FSD1L: variants seen among roughly 807,000 people sequenced by gnomAD.
FSD1L encodes FSD1-like protein.
In FSD1L, 45 loss-of-function variants were observed where a neutral mutation model predicts 71.6. That is an observed-to-expected ratio of 0.63 (90% CI 0.49 to 0.81). The LOEUF is 0.81. Among genes scored for constraint, FSD1L ranks in the 30% least tolerant of loss-of-function variants. The pLI is 0.00. For missense variants in FSD1L, 561 were observed against 618.1 expected (o/e 0.91, Z 0.98); for synonymous variants, 197 against 207.2 (o/e 0.95, Z 0.42).
rs960492706 is a variant in FSD1L, at chr9:105,522,185, C to T, written c.1025+9249C>T. On this transcript the variant is annotated intron_variant, in intron 10 of 13. Coordinates refer to ENST00000481272, the MANE Select transcript of FSD1L (RefSeq NM_001145313.3). ...ACATCTCCCGAGAACTTTGGGATGA[C>T]TTACTGTCAGTATTGTCATCGTTGA... 19 of 1,613,834 alleles carry T rather than the reference C, an allele frequency of 1.2e-5. No homozygotes were observed. The African/African-American group carries it at 2.1e-4, about 18-fold the overall frequency.
intron 7 of FSD1L, among the ~76,000 whole-genome samples, chr9:105,484,877 A>G (rs1832434338): frequency 6.6e-6 from 1 of 152,154 alleles, no homozygotes; most frequent in South Asian, 2.1e-4. Flanking sequence ...ATGCGATGTT[A>G]TTCTTCTAGG....
intron 10 of FSD1L, among the ~76,000 whole-genome samples, chr9:105,514,737 C>T (rs1485043425): frequency 6.6e-6 from 1 of 152,092 alleles, no homozygotes; most frequent in Non-Finnish European, 1.5e-5. Flanking sequence ...TTCAATTTTT[C>T]CCAACAGAAT....
chr9:105,537,842 G>C (rs545875201), intron 12 of FSD1L, among the ~76,000 whole-genome samples: 1 of 152,272 alleles, frequency 6.6e-6, no homozygotes, highest in East Asian at 1.9e-4. Context: ...TTTTCACATA[G>C]AAAGCCCTTA....
upstream of FSD1L, chr9:105,447,917 C>T (rs1026192772): frequency 1.3e-4 from 67 of 506,022 alleles, no homozygotes; most frequent in Admixed American, 5.4e-4. Flanking sequence ...CCTGCAGAGG[C>T]ACTAGCGGTA....
At chr9:105,481,261 C>T (rs1463273687) in intron 6 of FSD1L, among the ~76,000 whole-genome samples, 1 of 148,658 alleles carries the variant, frequency 6.7e-6, no homozygotes, top group East Asian at 2.0e-4. Flanking sequence ...TACTTCCTGC[C>T]CGAGGAACAT....
At chr9:105,467,173 A>G (rs1309768969) in intron 3 of FSD1L, among the ~76,000 whole-genome samples, 1 of 152,154 alleles carries the variant, frequency 6.6e-6, no homozygotes, top group Admixed American at 6.5e-5. Context: ...TGTTCTTACT[A>G]CTGTAAATAG....
At chr9:105,448,924 G>T (rs1052472625) in intron 1 of FSD1L, among the ~76,000 whole-genome samples, 6 of 152,192 alleles carry the variant, frequency 3.9e-5, no homozygotes, top group Admixed American at 2.0e-4. Context: ...TTATATAATC[G>T]TAAAGGTTCA....
intron 7 of FSD1L, among the ~76,000 whole-genome samples, chr9:105,496,077 C>T (rs1394165438): frequency 1.3e-5 from 2 of 151,700 alleles, no homozygotes; most frequent in African/African-American, 4.8e-5. Context: ...ATGTCTTTTA[C>T]AGAGCAAGAT....
intron 10 of FSD1L, chr9:105,526,502 C>T (rs1835522216): frequency 2.5e-6 from 4 of 1,612,198 alleles, no homozygotes; most frequent in South Asian, 1.1e-5. Flanking sequence ...GAAGCTGCGT[C>T]GTTCCTCTGG....
chr9:105,506,147 G>A (rs1323011689), intron 7 of FSD1L, among the ~76,000 whole-genome samples: 1 of 151,974 alleles, frequency 6.6e-6, no homozygotes, highest in Non-Finnish European at 1.5e-5. Flanking sequence ...ACAGCTATTT[G>A]AAATATCAAT....
chr9:105,458,021 C>T (rs1054870228), intron 1 of FSD1L, among the ~76,000 whole-genome samples: 10 of 152,246 alleles, frequency 6.6e-5, no homozygotes, highest in African/African-American at 2.2e-4. Context: ...AGGGGTGCTA[C>T]ACCTCTCTTG....
At chr9:105,455,905 C>T (rs1387132172) in intron 1 of FSD1L, among the ~76,000 whole-genome samples, 1 of 152,134 alleles carries the variant, frequency 6.6e-6, no homozygotes, top group Non-Finnish European at 1.5e-5. Context: ...TTTGCAGGGG[C>T]TCTAGATTTT....
chr9:105,524,005 T>G, intron 10 of FSD1L: 1 of 1,597,352 alleles, frequency 6.3e-7, no homozygotes, highest in Non-Finnish European at 8.6e-7. Context: ...TATTGTGAAC[T>G]GCCTTCTCTT....
chr9:105,525,095 G>A, intron 10 of FSD1L: 5 of 1,554,776 alleles, frequency 3.2e-6, no homozygotes, highest in Admixed American at 4.0e-5. Flanking sequence ...TATACTGTAT[G>A]GCCCACCTCC....
At chr9:105,507,976 C>T (rs1834155814) in intron 8 of FSD1L, among the ~76,000 whole-genome samples, 1 of 148,618 alleles carries the variant, frequency 6.7e-6, no homozygotes, top group Non-Finnish European at 1.5e-5. Context: ...ACGGCAACCT[C>T]TGCCTCCCAG....
intron 4 of FSD1L, 96 bp downstream of exon 4, chr9:105,468,420 T>G: frequency 1.1e-6 from 1 of 894,216 alleles, no homozygotes; most frequent in Non-Finnish European, 1.6e-6. Context: ...AGTATAACTA[T>G]ACCCTTACCT....
chr9:105,494,341 T>C (rs1050549670), intron 7 of FSD1L, among the ~76,000 whole-genome samples: 3 of 152,180 alleles, frequency 2.0e-5, no homozygotes, highest in Admixed American at 6.5e-5. Context: ...AGCCTTGGCT[T>C]TCAGCTCCAT....
chr9:105,457,714 C>T (rs955002165), intron 1 of FSD1L, among the ~76,000 whole-genome samples: 1 of 152,242 alleles, frequency 6.6e-6, no homozygotes, highest in Non-Finnish European at 1.5e-5. Context: ...GCTCATGCTG[C>T]TGGCCTGGAT....
In FSD1L at chr9:105,530,869, C is replaced by CTATT. The variant is rs149470570; in HGVS notation, c.1026-3622_1026-3621insTTTA. The CTATT allele has an allele frequency of 4.7e-3, 1,591 of 339,352 alleles. 24 individuals carry two copies. The highest frequency in any genetic ancestry group is 0.032 in the African/African-American group (1,491 of 46,812). 21.0% of individuals were successfully genotyped at this position (339,352 alleles called of 1,614,324 possible). ...TCCTTAATTGATAGTATCACATACTCTACTCAGCTGAGCTCATTCTAGTCA... is the reference window on the plus strand; with the variant it reads ...TCCTTAATTGATAGTATCACATACTCTATTTACTCAGCTGAGCTCATTCTAGTCA... On this transcript the variant is annotated intron_variant, in intron 10 of 13. Transcript: ENST00000481272.
Sources: allele counts gnomAD v4.1 joint callset (sites outside exome capture counted in the v4.1 genomes callset), GRCh38; gene constraint gnomAD v4.1.1; transcripts MANE v1.5; gene names NCBI Gene and HGNC (gene_info 2026-07-23, HGNC 2026-07-21).